Variants in CAST observed in about 807,000 individuals in gnomAD.
The protein encoded by CAST is calpastatin.
A neutral mutation model predicts 119.6 loss-of-function variants in CAST; 76 were observed. The observed-to-expected ratio is 0.64, with a 90% CI of 0.53 to 0.77. The LOEUF (loss-of-function observed/expected upper bound fraction) is 0.77, where lower values mean the gene tolerates loss of function less well. CAST is among the 30% of genes least tolerant of loss of function. CAST has a pLI of 0.00. For synonymous variants in CAST, 319 were observed against 331.6 expected (o/e 0.96, Z 0.41); for missense variants, 953 against 946.5 (o/e 1.01, Z -0.09).
the CAST span, among the ~76,000 whole-genome samples, chr5:96,275,092 T>C: frequency 5.3e-5 from 8 of 152,240 alleles, no homozygotes; most frequent in Non-Finnish European, 8.8e-5. Flanking sequence ...GGAAGACATA[T>C]TGACCTTTGA....
At chr5:96,717,276 A>G (rs1055135626) in intron 3 of CAST, among the ~76,000 whole-genome samples, 1 of 152,222 alleles carries the variant, frequency 6.6e-6, no homozygotes, top group Non-Finnish European at 1.5e-5. Flanking sequence ...ATATCAACAC[A>G]AGAGTTGAGA....
At chr5:96,092,065 C>A in the CAST span, among the ~76,000 whole-genome samples, 3 of 152,176 alleles carry the variant, frequency 2.0e-5, no homozygotes, top group South Asian at 4.1e-4. Flanking sequence ...ATCCCCAAAG[C>A]AGAATCACAC....
chr5:96,705,773 C>T (rs1055904357), intron 3 of CAST, among the ~76,000 whole-genome samples: 7 of 152,098 alleles, frequency 4.6e-5, no homozygotes, highest in South Asian at 2.1e-4. Flanking sequence ...TAAGCACATA[C>T]GGAGCCCTTA....
At chr5:96,502,563 C>G in the CAST span, among the ~76,000 whole-genome samples, 1 of 151,858 alleles carries the variant, frequency 6.6e-6, no homozygotes, top group African/African-American at 2.4e-5. Context: ...AAAATTAATG[C>G]TTTTCCCCCA....
At chr5:96,347,493 G>T in the CAST span, among the ~76,000 whole-genome samples, 1 of 152,154 alleles carries the variant, frequency 6.6e-6, no homozygotes, top group African/African-American at 2.4e-5. Context: ...ATTTTTGTTT[G>T]TACTAGCATA....
chr5:96,034,694 T>C, the CAST span, among the ~76,000 whole-genome samples: 2 of 151,846 alleles, frequency 1.3e-5, no homozygotes, highest in Non-Finnish European at 1.5e-5. Context: ...CACCCTGCTG[T>C]ACAATAGATC....
At chr5:96,497,081 A>G in the CAST span, among the ~76,000 whole-genome samples, 2 of 138,210 alleles carry the variant, frequency 1.4e-5, no homozygotes, top group Admixed American at 8.2e-5. Flanking sequence ...TCATTGTTCA[A>G]TTCCCACCTA....
In CAST at chr5:96,613,683, T is replaced by C. The variant is rs140338344; in HGVS notation, c.61-61856T>C. Among the ~76,000 whole-genome samples, 547 of 152,256 alleles carry C rather than the reference T, an allele frequency of 3.6e-3. 5 individuals carry two copies. Among genetic ancestry groups the C allele is most frequent in the African/African-American group, 0.013 (521 of 41,550 alleles). ...TAAAGCATTTTTAAATGAAACAACT[T>C]AAGGGTATTCAAAGGCACAAAACAA... On this transcript the variant is annotated intron_variant, in intron 1 of 11. Coordinates refer to the CAST transcript ENST00000505143.
chr5:96,101,729 T>A, the CAST span, among the ~76,000 whole-genome samples: 6 of 152,196 alleles, frequency 3.9e-5, no homozygotes, highest in African/African-American at 1.4e-4. Flanking sequence ...GAAACATCAC[T>A]TGAGGCCAGG....
the CAST span, among the ~76,000 whole-genome samples, chr5:96,181,259 T>C: frequency 6.6e-6 from 1 of 152,214 alleles, no homozygotes; most frequent in Admixed American, 6.5e-5. Context: ...GTTAGAAAAG[T>C]ACAAAATTTA....
intron 25 of CAST, chr5:96,763,312 T>C (rs569744019): frequency 5.0e-5 from 39 of 777,662 alleles, no homozygotes; most frequent in Admixed American, 4.3e-4. Context: ...TCCTGGATTA[T>C]AATAAAGCAC....
At chr5:96,599,976 A>AAAAAAAAAAAAAAAAC in intron 1 of CAST, among the ~76,000 whole-genome samples, 2 of 132,902 alleles carry the variant, frequency 1.5e-5, no homozygotes, top group African/African-American at 6.1e-5. Flanking sequence ...CAAAAAAAAA[A>AAAAAAAAAAAAAAAAC]AAAAAAACCC....
the CAST span, among the ~76,000 whole-genome samples, chr5:96,107,240 T>C: frequency 6.6e-6 from 1 of 152,184 alleles, no homozygotes; most frequent in East Asian, 1.9e-4. Flanking sequence ...GTTAATATTG[T>C]TATGTGTGAA....
At chr5:96,340,214 C>T in the CAST span, among the ~76,000 whole-genome samples, 1 of 152,212 alleles carries the variant, frequency 6.6e-6, no homozygotes, top group Non-Finnish European at 1.5e-5. Context: ...GCGCTGTTGT[C>T]TTCCCAGGAT....
intron 1 of CAST, among the ~76,000 whole-genome samples, chr5:96,647,953 C>G (rs1748039526): frequency 6.6e-6 from 1 of 152,224 alleles, no homozygotes; most frequent in South Asian, 2.1e-4. Context: ...TCAAAATGAG[C>G]TGTGACTTTC....
chr5:96,002,532 C>T, the CAST span, among the ~76,000 whole-genome samples: 7 of 152,104 alleles, frequency 4.6e-5, no homozygotes, highest in African/African-American at 1.2e-4. Flanking sequence ...TCTGGGTACC[C>T]GGTCCAGCTT....
chr5:96,298,598 A>G, the CAST span, among the ~76,000 whole-genome samples: 4 of 152,246 alleles, frequency 2.6e-5, no homozygotes, highest in East Asian at 7.7e-4. Context: ...TTAATTCTAA[A>G]TATATTCTAT....
At chr5:96,473,098 G>T in the CAST span, among the ~76,000 whole-genome samples, 5 of 152,134 alleles carry the variant, frequency 3.3e-5, no homozygotes, top group Non-Finnish European at 7.4e-5. Flanking sequence ...CCCTAATTGA[G>T]TATTACTTTA....
chr5:96,530,909 C>T (rs960502683), intron 1 of CAST, among the ~76,000 whole-genome samples: 3 of 152,186 alleles, frequency 2.0e-5, no homozygotes, highest in African/African-American at 4.8e-5. Context: ...CCTGCCACCT[C>T]AGCCTCCCTA....
Sources: gnomAD v4.1 joint callset for allele counts (sites outside exome capture counted in the v4.1 genomes callset) on GRCh38, gnomAD v4.1.1 for gene constraint, MANE v1.5 for transcripts, NCBI Gene and HGNC (gene_info 2026-07-23, HGNC 2026-07-21) for gene names.